The following SLC6A5 variants were observed in gnomAD, a reference collection of about 807,000 sequenced individuals.
The protein encoded by SLC6A5 is solute carrier family 6 member 5.
A neutral mutation model predicts 90.5 loss-of-function variants in SLC6A5; 58 were observed. The ratio of observed to expected loss-of-function variants is 0.64; its 90% CI spans 0.52 to 0.80. The LOEUF (loss-of-function observed/expected upper bound fraction) is 0.80. Among genes scored for constraint, SLC6A5 ranks in the 30% least tolerant of loss-of-function variants. SLC6A5 has a pLI of 0.00. For synonymous variants in SLC6A5, 427 were observed against 401.4 expected (o/e 1.06, Z -0.76); for missense variants, 1,015 against 1,017.6 (o/e 1.00, Z 0.03).
chr11:20,651,192 T>C (rs1853523662), intron 14 of SLC6A5, among the ~76,000 whole-genome samples: 1 of 145,280 alleles, frequency 6.9e-6, no homozygotes, highest in African/African-American at 2.6e-5. Context: ...ACGGAATGGG[T>C]TTCCCCTCCC....
chr11:20,655,155 G>C lies in SLC6A5; in HGVS notation c.*287G>C. On this transcript the variant is annotated 3_prime_UTR_variant, in exon 16 of 16. Transcript: ENST00000525748. ...CCCTGCAGAGGAGGATCAGTTAGGT[G>C]AGCACTGGTAGGTATGCGTGGTTTT... is the stretch of plus-strand genomic sequence containing the variant. 1 of 433,190 alleles carries C rather than the reference G, an allele frequency of 2.3e-6. No individual in the cohort carries two copies. The highest frequency in any genetic ancestry group is 4.3e-6 in the Non-Finnish European group (1 of 230,200). The allele number at this position is 433,190 out of a possible 1,614,324, so 26.8% of individuals were successfully genotyped here.
chr11:20,638,407 A>G (rs1853250325), intron 12 of SLC6A5, 52 bp from the exon 13 acceptor site: 2 of 1,125,562 alleles, frequency 1.8e-6, no homozygotes, highest in Admixed American at 1.7e-5. Flanking sequence ...GTGGGAAGAG[A>G]CAGCCTGGCT....
At chr11:20,608,954 CTCTCTGTGTGTGTGTG>C (rs1852641030) in intron 5 of SLC6A5, among the ~76,000 whole-genome samples, 1 of 108,932 alleles carries the variant, frequency 9.2e-6, no homozygotes, top group Non-Finnish European at 2.0e-5. Flanking sequence ...CTCTCTCTCT[CTCTCTGTGTGTGTGTG>C]TGTGTGTGTG....
rs72932948 is a variant in SLC6A5 at position 20,638,603 on chromosome 11, C to T, written c.1969+45C>T. 205,146 of 1,144,646 alleles carry T rather than the reference C, an allele frequency of 0.18. 20,859 individuals carry two copies. Among genetic ancestry groups the T allele is most frequent in the Non-Finnish European group, 0.22 (162,561 of 753,834 alleles). 70.9% of individuals were successfully genotyped at this position (1,144,646 alleles called of 1,614,324 possible). ...TGTTGCTGAAGTAGAGCTTGAGTGT[C>T]GGTAAGGCATTCATGGCAAGCAGAT... On this transcript the variant is annotated intron_variant, in intron 13 of 15. Coordinates refer to ENST00000525748, the MANE Select transcript of SLC6A5 (RefSeq NM_004211.5).
chr11:20,609,337 T>G (rs1297535095), intron 5 of SLC6A5, among the ~76,000 whole-genome samples: 1 of 152,090 alleles, frequency 6.6e-6, no homozygotes, highest in Non-Finnish European at 1.5e-5. Context: ...ACTCTTTCTT[T>G]GTGCAGCCCC....
In SLC6A5 at chr11:20,600,329, AGAAGAG is replaced by A. The variant is rs1276980580; in HGVS notation, c.3+660_3+665del. 6.2e-3 allele frequency among the ~76,000 whole-genome samples: 774 copies of A among 125,556 alleles called. 30 individuals carry two copies. The highest frequency in any genetic ancestry group is 0.062 in the East Asian group (209 of 3,396). 82.4% of individuals were successfully genotyped at this position (125,556 alleles called of 152,430 possible). On this transcript the variant is annotated intron_variant, in intron 1 of 15. Transcript: ENST00000525748. ...CCTGTGAATAGTTACGCAAAAAAGAAGAAGAGGAAGAAGAAGAAGAAGAAGAAGAAG... is the reference window on the plus strand; with the variant it reads ...CCTGTGAATAGTTACGCAAAAAAGAAGAAGAAGAAGAAGAAGAAGAAGAAG...
intron 5 of SLC6A5, among the ~76,000 whole-genome samples, chr11:20,613,667 T>C (rs1287302707): frequency 9.7e-6 from 1 of 103,052 alleles, no homozygotes; most frequent in Non-Finnish European, 2.1e-5. Context: ...TTTTTTTTTT[T>C]TTTTTTTAAG....
intron 5 of SLC6A5, among the ~76,000 whole-genome samples, chr11:20,613,994 A>G (rs1188167226): frequency 6.6e-6 from 1 of 152,174 alleles, no homozygotes; most frequent in Non-Finnish European, 1.5e-5. Flanking sequence ...GAGAAGACTC[A>G]TCCCCAGTTG....
At chr11:20,605,838 G>A (rs12288112) in intron 3 of SLC6A5, among the ~76,000 whole-genome samples, 1 of 152,242 alleles carries the variant, frequency 6.6e-6, no homozygotes, top group Non-Finnish European at 1.5e-5. Flanking sequence ...TTCAGGAGCA[G>A]AGGAGGACTG....
At chr11:20,624,455 A>G (rs1852952232) in intron 7 of SLC6A5, among the ~76,000 whole-genome samples, 1 of 151,444 alleles carries the variant, frequency 6.6e-6, no homozygotes, top group Non-Finnish European at 1.5e-5. Context: ...CCCGGCCCCC[A>G]AGAGTTATTT....
intron 14 of SLC6A5, among the ~76,000 whole-genome samples, chr11:20,651,221 A>AC (rs1289702436): frequency 1.1e-4 from 2 of 18,834 alleles, no homozygotes; most frequent in South Asian, 4.8e-3. Flanking sequence ...CCTTCCCTCC[A>AC]CCCCCCACCC....
At chr11:20,603,485 G>T (rs559730415) in intron 2 of SLC6A5, among the ~76,000 whole-genome samples, 6 of 152,190 alleles carry the variant, frequency 3.9e-5, no homozygotes, top group African/African-American at 1.4e-4. Flanking sequence ...GATGAGACAC[G>T]GAGGTTCAGA....
chr11:20,624,495 C>T (rs1167920873), intron 7 of SLC6A5, among the ~76,000 whole-genome samples: 2 of 152,040 alleles, frequency 1.3e-5, no homozygotes, highest in Admixed American at 6.6e-5. Context: ...TTTCCCAATT[C>T]ATCTCCCCCT....
chr11:20,623,887 C>G (rs982838105), intron 7 of SLC6A5, among the ~76,000 whole-genome samples: 3 of 152,090 alleles, frequency 2.0e-5, no homozygotes, highest in African/African-American at 7.2e-5. Context: ...ACACCCCACC[C>G]CACTTACCCA....
chr11:20,636,572 G>A (rs1450960317), intron 11 of SLC6A5, among the ~76,000 whole-genome samples, 153 bp downstream of exon 11: 1 of 151,040 alleles, frequency 6.6e-6, no homozygotes, highest in Non-Finnish European at 1.5e-5. Context: ...GCCTGTGTAG[G>A]GCTCAGGATC....
At chr11:20,652,159 A>C (rs1302268878) in intron 14 of SLC6A5, 130 bp from the exon 15 acceptor site, 13 of 829,604 alleles carry the variant, frequency 1.6e-5, no homozygotes, top group Middle Eastern at 2.4e-4. Context: ...TGGATTAATA[A>C]TACTACTCTT....
At chr11:20,639,133 G>A (rs2133811474) in intron 13 of SLC6A5, among the ~76,000 whole-genome samples, 1 of 152,198 alleles carries the variant, frequency 6.6e-6, no homozygotes, top group East Asian at 1.9e-4. Context: ...ATATCAGTGG[G>A]GCCATTATCA....
intron 2 of SLC6A5, among the ~76,000 whole-genome samples, chr11:20,603,886 G>C (rs1413600664): frequency 6.6e-6 from 1 of 152,112 alleles, no homozygotes; most frequent in African/African-American, 2.4e-5. Flanking sequence ...CATGATGTTG[G>C]GGGAGCCTGC....
At chr11:20,644,693 G>T (rs1011366020) in intron 13 of SLC6A5, among the ~76,000 whole-genome samples, 1 of 152,060 alleles carries the variant, frequency 6.6e-6, no homozygotes, top group African/African-American at 2.4e-5. Context: ...GTGTACTAGG[G>T]TTACTTTTTG....
Sources: gnomAD v4.1 joint callset for allele counts (sites outside exome capture counted in the v4.1 genomes callset) on GRCh38, gnomAD v4.1.1 for gene constraint, MANE v1.5 for transcripts, NCBI Gene and HGNC (gene_info 2026-07-23, HGNC 2026-07-21) for gene names.